The following NIPA2 variants were observed in gnomAD, a reference collection of about 807,000 sequenced individuals.
NIPA2 encodes the protein NIPA magnesium transporter 2, also known as magnesium transporter NIPA2.
Under a neutral mutation model 29.7 loss-of-function variants are expected in NIPA2, and 11 were observed. The ratio of observed to expected loss-of-function variants is 0.37; its 90% confidence interval spans 0.23 to 0.61. The LOEUF is 0.61. NIPA2 is among the 20% of genes least tolerant of loss of function. The pLI is 0.66. For missense variants in NIPA2, 426 were observed against 437.9 expected (o/e 0.97, Z 0.24); for synonymous variants, 183 against 161.9 (o/e 1.13, Z -0.99).
intron 6 of NIPA2, among the ~76,000 whole-genome samples, chr15:22,859,600 G>T (rs1464374115): frequency 6.6e-6 from 1 of 152,158 alleles, no homozygotes. Context: ...CCAATGAGTA[G>T]ATTTGCATGC....
chr15:22,842,391 TG>T (rs1457484281), intron 2 of NIPA2, among the ~76,000 whole-genome samples: 1 of 152,112 alleles, frequency 6.6e-6, no homozygotes, highest in African/African-American at 2.4e-5. Context: ...AAATATGGTA[TG>T]GGGAAATAAG....
At chr15:22,852,168 A>AT (rs2057794179) in intron 4 of NIPA2, among the ~76,000 whole-genome samples, 1 of 152,156 alleles carries the variant, frequency 6.6e-6, no homozygotes, top group South Asian at 2.1e-4. Context: ...AGGGAAGGAA[A>AT]TAAGAGTCCA....
intron 5 of NIPA2, among the ~76,000 whole-genome samples, chr15:22,855,890 A>G (rs1309246643): frequency 2.0e-5 from 3 of 152,196 alleles, no homozygotes; most frequent in Non-Finnish European, 2.9e-5. Flanking sequence ...CATAGCCCTC[A>G]GTGACTCCCC....
At position 22,866,231 on chromosome 15, in the gene NIPA2, C is replaced by A. The variant is rs568330900; in HGVS notation, c.467C>A (p.Thr156Asn). The change falls in exon 8 of 8, where the codon ACC becomes AAC. Residue 156 changes from threonine to asparagine, a missense_variant. Thr to Asn is a moderately conservative substitution (Grantham distance 65). This residue lies in a region of NIPA2 where 357 missense variants were observed against 339.8 expected (regional missense o/e 1.05). Transcript: ENST00000337451. ...LGDPGFVVFA[T>N]LVVIVALILI... ...CCTCCAGGTTTTGTGGTCTTTGCAA[C>A]CCTTGTGGTCATTGTGGCCTTGATA... The A allele has an allele frequency of 4.3e-6, 7 of 1,613,444 alleles. No individual in the cohort carries two copies. Among genetic ancestry groups the A allele is most frequent in the Admixed American group, 1.7e-5 (1 of 60,000 alleles).
intron 5 of NIPA2, among the ~76,000 whole-genome samples, chr15:22,855,682 A>G (rs1361150075): frequency 6.6e-6 from 1 of 152,146 alleles, no homozygotes; most frequent in African/African-American, 2.4e-5. Flanking sequence ...GTGTTGTGAA[A>G]TGGAGGATAG....
rs548681976 is a variant in NIPA2, at chr15:22,860,111, A to G, written c.288-518A>G. 6.6e-5 allele frequency among the ~76,000 whole-genome samples: 10 copies of G among 151,328 alleles called. No individual in the cohort carries two copies. In the East Asian group the frequency reaches 1.9e-3, roughly 29 times the overall value. On this transcript the variant is annotated intron_variant, in intron 6 of 7. Transcript: ENST00000337451. The stretch of plus-strand genomic sequence containing the variant: ...AGTGGCGCGATGTCAGCTCGCTGCA[A>G]CCTCTGCCTTCTAGGTCCTGCCCCA...
chr15:22,849,603 A>C (rs1170593194), intron 3 of NIPA2, among the ~76,000 whole-genome samples: 2 of 149,900 alleles, frequency 1.3e-5, no homozygotes, highest in Admixed American at 6.7e-5. Context: ...TCTGTCGCCC[A>C]GGCTGGAGTG....
chr15:22,841,653 CG>C (rs1229860982), intron 2 of NIPA2, among the ~76,000 whole-genome samples: 1 of 152,122 alleles, frequency 6.6e-6, no homozygotes, highest in Non-Finnish European at 1.5e-5. Context: ...GGATTACAGG[CG>C]CCCGCCACCA....
intron 2 of NIPA2, among the ~76,000 whole-genome samples, chr15:22,843,492 C>T (rs1432530567): frequency 6.3e-5 from 9 of 143,228 alleles, no homozygotes; most frequent in African/African-American, 1.3e-4. Context: ...GGGGACAGAG[C>T]GAGACTCCAT....
chr15:22,847,480 T>C (rs1305747657), intron 3 of NIPA2, among the ~76,000 whole-genome samples: 3 of 151,882 alleles, frequency 2.0e-5, no homozygotes, highest in Non-Finnish European at 2.9e-5. Context: ...TTTTTTTTTT[T>C]CCGAGACGGA....
At chr15:22,862,840 C>T (rs2058712387) in intron 7 of NIPA2, among the ~76,000 whole-genome samples, 1 of 151,176 alleles carries the variant, frequency 6.6e-6, no homozygotes, top group Admixed American at 6.6e-5. Context: ...CTCACCTTCA[C>T]CCTGAAGGTA....
At chr15:22,845,431 T>C (rs753853660) in intron 3 of NIPA2, among the ~76,000 whole-genome samples, 164 bp downstream of exon 3, 19 of 152,226 alleles carry the variant, frequency 1.2e-4, no homozygotes, top group Non-Finnish European at 1.8e-4. Context: ...TTTGGTGATA[T>C]GCCTCATTCT....
rs1214521674 is a variant in NIPA2 at position 22,867,999 on chromosome 15, C to T, written c.*1152C>T. ...AAAAAAGTATTGGCAGAATTAATTT[C>T]CACCTAGGTGATGGGAAGAAAGTGT... On this transcript the variant is annotated 3_prime_UTR_variant, in exon 8 of 8. Transcript: ENST00000337451. The T allele has an allele frequency of 6.6e-6, 1 of 152,236 alleles. No individual in the cohort carries two copies. The allele number at this position is 152,236 out of a possible 1,614,324, so 9.4% of individuals were successfully genotyped here. A position where few individuals can be genotyped will look rare whatever the true frequency, so the allele number is the denominator to read the frequency against.
Position 22,867,831 on chromosome 15 carries a change from T to G in NIPA2, c.*984T>G, listed in dbSNP as rs923021226. 6.9e-6 allele frequency: 1 copy of G among 145,040 alleles called. No individual in the cohort carries two copies. The highest frequency in any genetic ancestry group is 1.5e-5 in the Non-Finnish European group (1 of 65,556). 9.0% of individuals were successfully genotyped at this position (145,040 alleles called of 1,614,324 possible). On this transcript the variant is annotated 3_prime_UTR_variant, in exon 8 of 8. Transcript: ENST00000337451. ...AGAGCTCCTTTGGGCCACTACATAT[T>G]TTGGTTTCTAGAAAATGTTTGTTTA...
intron 6 of NIPA2, among the ~76,000 whole-genome samples, chr15:22,859,332 G>T (rs1226316272): frequency 8.2e-6 from 1 of 121,374 alleles, no homozygotes; most frequent in African/African-American, 3.2e-5. Flanking sequence ...TTGCTCTGTC[G>T]CCCACGCTGG....
intron 2 of NIPA2, among the ~76,000 whole-genome samples, chr15:22,844,545 CTG>C (rs746793835): frequency 7.4e-6 from 1 of 135,634 alleles, no homozygotes. Context: ...CAGTGCAAGA[CTG>C]TGACTCAAAA....
intron 5 of NIPA2, among the ~76,000 whole-genome samples, chr15:22,854,678 G>A (rs1325552860): frequency 6.6e-6 from 1 of 151,798 alleles, no homozygotes; most frequent in African/African-American, 2.4e-5. Flanking sequence ...ACTGGGAGGT[G>A]GAGGTTGCAG....
In NIPA2 at chr15:22,858,626, G is replaced by A. The variant is rs747274617; in HGVS notation, c.283G>A (p.Val95Ile). Reference sequence around the variant, plus strand: ...TCCACTAGGAGCTCTCAGCGTGCTAGTAAGGTAAGGACACGTTTTTCATGT... The same window carrying A: ...TCCACTAGGAGCTCTCAGCGTGCTAATAAGGTAAGGACACGTTTTTCATGT... ...VTPLGALSVL[V>I]SAILSSYFLN... is the part of the protein sequence containing the mutation. Residue 95 changes from valine (V) to isoleucine (I), a missense_variant, in exon 6 of 8, where the codon GTA becomes ATA. Physicochemically the swap from Val to Ile is conservative, Grantham distance 29. Coordinates refer to ENST00000337451, the MANE Select transcript of NIPA2 (RefSeq NM_030922.7). 4 of 1,588,410 alleles carry A rather than the reference G, an allele frequency of 2.5e-6. No homozygotes were observed.
chr15:22,866,899 A>G lies in NIPA2; in HGVS notation c.*52A>G. On this transcript the variant is annotated 3_prime_UTR_variant, in exon 8 of 8. Transcript: ENST00000337451. ...TGATTGTTATGAAGTGAATTTGAAT[A>G]TCATCAGAATGTGTCTGAAAAAACA... 1 of 1,451,554 alleles carries G rather than the reference A, an allele frequency of 6.9e-7. No homozygotes were observed. Among genetic ancestry groups the G allele is most frequent in the South Asian group, 1.4e-5 (1 of 73,354 alleles). The allele number at this position is 1,451,554 out of a possible 1,614,324, so 89.9% of individuals were successfully genotyped here.
Sources: allele counts gnomAD v4.1 joint callset (sites outside exome capture counted in the v4.1 genomes callset), GRCh38; gene constraint gnomAD v4.1.1; regional missense constraint gnomAD v4.1.1; transcripts MANE v1.5; gene names NCBI Gene and HGNC (gene_info 2026-07-23, HGNC 2026-07-21).